CTBP1: variants seen among roughly 807,000 people sequenced by gnomAD.
The protein encoded by CTBP1 is C-terminal binding protein 1, also known as C-terminal-binding protein 1.
CTBP1 carries 11 observed loss-of-function variants against 42.1 expected under a neutral mutation model. The observed-to-expected ratio is 0.26, with a 90% CI of 0.16 to 0.43. The LOEUF (loss-of-function observed/expected upper bound fraction) is 0.43, where lower values mean the gene tolerates loss of function less well. CTBP1 is among the 20% of genes least tolerant of loss of function. The pLI, the probability that CTBP1 is intolerant of heterozygous loss-of-function variation, is 1.00. For missense variants in CTBP1, 399 were observed against 624.3 expected, an observed-to-expected ratio of 0.64 and a Z score of 3.85; for synonymous variants, 324 against 277.1, an observed-to-expected ratio of 1.17 and a Z score of -1.68.
chr4:1,238,037 C>T lies in CTBP1; in HGVS notation c.162+146G>A, dbSNP rs753533290. 8.2e-6 allele frequency: 9 copies of T among 1,100,674 alleles called. No individual in the cohort carries two copies. In the East Asian group the frequency reaches 2.2e-4, roughly 26 times the overall value. The allele number at this position is 1,100,674 out of a possible 1,614,324, so 68.2% of individuals were successfully genotyped here. A position where few individuals can be genotyped will look rare whatever the true frequency, so the allele number is the denominator to read the frequency against. ...TCCAGGGAAAACCCCGTGTCCACCT[C>T]CTGACGGCGCGGGACGACTGGGACA... is the stretch of plus-strand genomic sequence containing the variant. On this transcript the variant is annotated intron_variant, in intron 3 of 9. Transcript: ENST00000382952. This position sits in a 1 kb window ranked among gnomAD's most constrained non-coding sequence, Gnocchi z 5.9.
intron 4 of CTBP1, among the ~76,000 whole-genome samples, chr4:1,227,747 G>A (rs572985829): frequency 1.1e-4 from 16 of 152,176 alleles, no homozygotes; most frequent in Admixed American, 4.6e-4. Context: ...CTGAGTGTGC[G>A]TGATCCATGT....
intron 3 of CTBP1, among the ~76,000 whole-genome samples, chr4:1,232,720 G>T (rs573364263): frequency 6.6e-6 from 1 of 152,186 alleles, no homozygotes; most frequent in Admixed American, 6.5e-5. Flanking sequence ...ATAACCTCAG[G>T]TAATAAACAC....
At chr4:1,244,428 C>G (rs1165570301) in intron 1 of CTBP1, 1 of 984,848 alleles carries the variant, frequency 1.0e-6, no homozygotes, top group East Asian at 1.1e-4. Flanking sequence ...CCTGTTCCTT[C>G]CCCAGCCTCA....
chr4:1,216,456 A>G, intron 5 of CTBP1: 1 of 588,766 alleles, frequency 1.7e-6, no homozygotes, highest in Non-Finnish European at 3.0e-6. Flanking sequence ...GGCCCACACC[A>G]GCTGCCAGCC....
rs1170606984 is a variant in CTBP1, at chr4:1,225,566, C to T, written c.308G>A (p.Gly103Asp). ...NIDIKSAGDLGIAVCNVPAAS... is the reference protein window; with the variant it reads ...NIDIKSAGDLDIAVCNVPAAS... ...CGCGGGCACGTTGCAGACGGCAATGCCTGTGGGGACAAGGACACGGCGGTC... is the reference window on the plus strand; with the variant it reads ...CGCGGGCACGTTGCAGACGGCAATGTCTGTGGGGACAAGGACACGGCGGTC... The change falls in exon 5 of 10, where the codon GGC (glycine) becomes GAC (aspartate). Residue 103 changes from glycine to aspartate, a missense_variant and splice_region_variant. Transcript: ENST00000382952. 4 of 1,539,678 alleles carry T rather than the reference C, an allele frequency of 2.6e-6. No homozygotes were observed. The highest frequency in any genetic ancestry group is 3.5e-6 in the Non-Finnish European group (4 of 1,146,284).
intron 3 of CTBP1, among the ~76,000 whole-genome samples, chr4:1,234,376 G>C (rs1380664477): frequency 1.3e-5 from 2 of 152,178 alleles, no homozygotes; most frequent in African/African-American, 4.8e-5. Context: ...GGCTGCTTCA[G>C]GCCCCTCCAG....
At position 1,212,257 on chromosome 4, in the gene CTBP1, C is replaced by A; in HGVS notation, c.1273G>T (p.Ala425Ser). 7.8e-7 allele frequency: 1 copy of A among 1,279,198 alleles called. No homozygotes were observed. The highest frequency in any genetic ancestry group is 1.6e-5 in the African/African-American group (1 of 61,890). 79.2% of individuals were successfully genotyped at this position (1,279,198 alleles called of 1,614,324 possible). Reference protein sequence around the residue: ...TVKPEADRDHASDQL With the variant: ...TVKPEADRDHSSDQL ...CTCCCGGGCTACAACTGGTCACTGG[C>A]GTGGTCTCTATCCGCCTCGGGCTTG... Residue 425 changes from alanine to serine, a missense_variant, in exon 10 of 10, where the codon GCC becomes TCC. By Grantham distance (99) the Ala-to-Ser change is moderately conservative. Transcript: ENST00000382952.
chr4:1,230,165 G>C (rs964923604), intron 3 of CTBP1, among the ~76,000 whole-genome samples: 5 of 151,988 alleles, frequency 3.3e-5, no homozygotes, highest in Non-Finnish European at 7.4e-5. Context: ...ACCAGATGCA[G>C]TGTGGACGGG....
rs1028435142 is a variant in CTBP1 at position 1,242,299 on chromosome 4, G to A, written c.-188-780C>T. ...ACTGAGCTGCCCACACCTGGCCCCTGCTCTGGCATGAAGACACAGCACCGA... is the reference window on the plus strand; with the variant it reads ...ACTGAGCTGCCCACACCTGGCCCCTACTCTGGCATGAAGACACAGCACCGA... On this transcript the variant is annotated intron_variant, in intron 1 of 9. Transcript: ENST00000382952. 78 of 985,368 alleles carry A rather than the reference G, an allele frequency of 7.9e-5. 1 individual carries two copies. In the African/African-American group the frequency reaches 1.1e-3, roughly 14 times the overall value. The allele number at this position is 985,368 out of a possible 1,614,324, so 61.0% of individuals were successfully genotyped here. A position where few individuals can be genotyped will look rare whatever the true frequency, so the allele number is the denominator to read the frequency against.
At chr4:1,223,673 G>A (rs1320037283) in intron 5 of CTBP1, among the ~76,000 whole-genome samples, 2 of 143,628 alleles carry the variant, frequency 1.4e-5, no homozygotes, top group Non-Finnish European at 3.1e-5. Context: ...CACCACCCCC[G>A]CCCACCCTCT....
Position 1,225,578 on chromosome 4 carries a change from A to C in CTBP1, c.308-12T>G. 1 of 1,537,366 alleles carries C rather than the reference A, an allele frequency of 6.5e-7. No individual in the cohort carries two copies. On this transcript the variant is annotated splice_polypyrimidine_tract_variant and intron_variant, in intron 4 of 9. Coordinates refer to ENST00000382952, the MANE Select transcript of CTBP1 (RefSeq NM_001012614.2). ...GCAGACGGCAATGCCTGTGGGGACA[A>C]GGACACGGCGGTCACCCCCGGGCCG...
Position 1,212,319 on chromosome 4 carries a change from G to GGGGGGGGGC in CTBP1, c.1210_1211insGCCCCCCCC (p.Ala404delinsGlyProProPro). 1 of 768,878 alleles carries GGGGGGGGGC rather than the reference G, an allele frequency of 1.3e-6. No homozygotes were observed. The highest frequency in any genetic ancestry group is 2.0e-6 in the Non-Finnish European group (1 of 505,354). The allele number at this position is 768,878 out of a possible 1,614,324, so 47.6% of individuals were successfully genotyped here. ...AGGAGAAGGGGCGTGGGGCGGGTGG[G>GGGGGGGGGC]CCACAGGGGGCAGGCCGTGGGACAG... On this transcript the variant is annotated protein_altering_variant, in exon 10 of 10. Transcript: ENST00000382952.
At chr4:1,242,265 G>A in intron 1 of CTBP1, 1 of 985,408 alleles carries the variant, frequency 1.0e-6, no homozygotes, top group Non-Finnish European at 1.2e-6. Flanking sequence ...CAGCCCTCGG[G>A]AGGGTGTCAC....
intron 1 of CTBP1, among the ~76,000 whole-genome samples, chr4:1,246,956 T>C (rs1265030124): frequency 2.6e-5 from 4 of 152,082 alleles, no homozygotes; most frequent in Admixed American, 2.6e-4. Context: ...AGCCAGCACT[T>C]CCAATCCCAC....
intron 5 of CTBP1, chr4:1,217,863 A>G (rs547581181): frequency 1.3e-5 from 2 of 152,370 alleles, no homozygotes; most frequent in Admixed American, 1.3e-4. Flanking sequence ...AAACCTCTTA[A>G]TAACTACTAT....
intron 1 of CTBP1, chr4:1,244,356 G>GGT (rs1553851081): frequency 1.0e-6 from 1 of 961,110 alleles, no homozygotes; most frequent in African/African-American, 1.8e-5. Context: ...CTGGGCACTG[G>GGT]GGGGGGGGTG....
At chr4:1,248,511 C>T (rs1001541114) in intron 1 of CTBP1, 7 of 247,224 alleles carry the variant, frequency 2.8e-5, no homozygotes, top group African/African-American at 1.6e-4. Flanking sequence ...ATCCCGGCCC[C>T]GCAGGCCCAG....
At chr4:1,242,723 C>T in intron 1 of CTBP1, 1 of 985,230 alleles carries the variant, frequency 1.0e-6, no homozygotes, top group Non-Finnish European at 1.2e-6. Flanking sequence ...TCACCTGCGC[C>T]TGAGCCCCCA....
At position 1,225,550 on chromosome 4, in the gene CTBP1, G is replaced by A. The variant is rs756383970; in HGVS notation, c.324C>T (p.Asn108=). The change falls in exon 5 of 10, where the codon AAC becomes AAT. Residue 108 remains asparagine (N), a synonymous_variant. Coordinates refer to ENST00000382952, the MANE Select transcript of CTBP1 (RefSeq NM_001012614.2). ...SAGDLGIAVC[N]VPAASVEETA... is the part of the protein sequence containing the mutation. ...TCTCCTCCACAGACGCCGCGGGCAC[G>A]TTGCAGACGGCAATGCCTGTGGGGA... The A allele has an allele frequency of 1.5e-4, 224 of 1,541,400 alleles. 2 individuals are homozygous for A. The highest frequency in any genetic ancestry group is 9.8e-5 in the Admixed American group (5 of 50,970).
Sources: gnomAD v4.1 joint callset for allele counts (sites outside exome capture counted in the v4.1 genomes callset) on GRCh38, gnomAD v4.1.1 for gene constraint, Gnocchi (gnomAD v3.1) non-coding constraint, MANE v1.5 for transcripts, NCBI Gene and HGNC (gene_info 2026-07-23, HGNC 2026-07-21) for gene names.